Variants in PILRA observed in about 807,000 individuals in gnomAD.
The protein encoded by PILRA is paired immunoglobin like type 2 receptor alpha.
PILRA carries 37 observed loss-of-function variants against 33.1 expected under a neutral mutation model. The observed-to-expected ratio is 1.12, with a 90% CI of 0.86 to 1.47. The LOEUF (loss-of-function observed/expected upper bound fraction) is 1.47, where lower values mean the gene tolerates loss of function less well. Ranked by LOEUF, PILRA falls within the 40% of genes most tolerant of loss-of-function variation. The probability of loss-of-function intolerance (pLI) is 0.00; values close to 1 mark genes in which losing one functional copy is unlikely to be tolerated. For missense variants in PILRA, 312 were observed against 376.2 expected (o/e 0.83, Z 1.41); for synonymous variants, 146 against 149.9 (o/e 0.97, Z 0.19).
At position 100,377,616 on chromosome 7, in the gene PILRA, C is replaced by T. The variant is rs563750009; in HGVS notation, c.454+3183C>T. The stretch of plus-strand genomic sequence containing the variant: ...AAAATATTGGCCAGACACAGTGGCT[C>T]ATGCCTGCAGTCCTGGCTACTCAGG... On this transcript the variant is annotated intron_variant, in intron 2 of 6. Transcript: ENST00000198536. Among the ~76,000 whole-genome samples the T allele has an allele frequency of 9.2e-5, 14 of 152,244 alleles. No homozygotes were observed. The South Asian group carries it at 2.3e-3, about 25-fold the overall frequency.
chr7:100,389,936 G>C lies in PILRA; in HGVS notation c.503G>C (p.Arg168Thr). 4.3e-6 allele frequency: 7 copies of C among 1,613,982 alleles called. No individual in the cohort carries two copies. Among genetic ancestry groups the C allele is most frequent in the Non-Finnish European group, 5.1e-6 (6 of 1,179,992 alleles). The change falls in exon 3 of 7, where the codon AGG (arginine) becomes ACG (threonine). Residue 168 changes from arginine to threonine, a missense_variant. Coordinates refer to ENST00000198536, the MANE Select transcript of PILRA (RefSeq NM_013439.3). ...CCCAGCAGCATGACTACCACCTGGAGGCTCAGTAGCACAACCACCACAACC... is the reference window on the plus strand; with the variant it reads ...CCCAGCAGCATGACTACCACCTGGACGCTCAGTAGCACAACCACCACAACC... ...QRPSSMTTTW[R>T]LSSTTTTTGL...
chr7:100,377,026 A>T (rs1311584879), intron 2 of PILRA, among the ~76,000 whole-genome samples: 1 of 151,892 alleles, frequency 6.6e-6, no homozygotes, highest in Non-Finnish European at 1.5e-5. Context: ...GGCCTCCCAA[A>T]GTGCTAGGAT....
chr7:100,386,003 C>G (rs1791244978), intron 2 of PILRA, among the ~76,000 whole-genome samples: 1 of 151,676 alleles, frequency 6.6e-6, no homozygotes, highest in South Asian at 2.1e-4. Context: ...GATCTCAGCT[C>G]ACTGCAATCT....
chr7:100,396,978 TG>T (rs933814210), intron 3 of PILRA, among the ~76,000 whole-genome samples: 13 of 151,844 alleles, frequency 8.6e-5, no homozygotes, highest in African/African-American at 2.4e-5. Flanking sequence ...GTGTTTTGTT[TG>T]TTTTTTTGTT....
At chr7:100,388,047 GC>G (rs1791291947) in intron 2 of PILRA, among the ~76,000 whole-genome samples, 1 of 152,056 alleles carries the variant, frequency 6.6e-6, no homozygotes, top group Non-Finnish European at 1.5e-5. Flanking sequence ...AATGAATTTA[GC>G]TTAGAGTGTT....
At chr7:100,377,231 C>CTTTT (rs761225046) in intron 2 of PILRA, among the ~76,000 whole-genome samples, 5 of 100,940 alleles carry the variant, frequency 5.0e-5, no homozygotes, top group Non-Finnish European at 7.9e-5. Flanking sequence ...TTTTCTATTT[C>CTTTT]TTTTTTTTTT....
rs562769951 is a variant in PILRA, at chr7:100,397,323, G to A, written c.674-556G>A. Reference sequence around the variant, plus strand: ...GCAAGGATGCCACGGGGATGGGAGGGGCAGGACACAATGGGAGAGGCAGCA... The same window carrying A: ...GCAAGGATGCCACGGGGATGGGAGGAGCAGGACACAATGGGAGAGGCAGCA... On this transcript the variant is annotated intron_variant, in intron 3 of 6. Transcript: ENST00000198536. Among the ~76,000 whole-genome samples the A allele has an allele frequency of 7.9e-5, 12 of 152,082 alleles. No homozygotes were observed. In the East Asian group the frequency reaches 2.3e-3, roughly 29 times the overall value.
chr7:100,393,108 C>T (rs139210534), intron 3 of PILRA, among the ~76,000 whole-genome samples: 1 of 152,076 alleles, frequency 6.6e-6, no homozygotes, highest in South Asian at 2.1e-4. Context: ...GGTGAAACCC[C>T]GTCTCTACTA....
intron 2 of PILRA, among the ~76,000 whole-genome samples, chr7:100,387,771 C>T (rs1281364518): frequency 1.3e-5 from 2 of 152,166 alleles, no homozygotes; most frequent in African/African-American, 4.8e-5. Flanking sequence ...TATACCCACT[C>T]GTGACTGCAG....
intron 2 of PILRA, 55 bp from the exon 3 acceptor site, chr7:100,389,833 C>G: frequency 6.7e-7 from 1 of 1,496,740 alleles, no homozygotes; most frequent in Non-Finnish European, 9.3e-7. Context: ...ACGCCTTTCA[C>G]CCAGACACCC....
At position 100,393,913 on chromosome 7, in the gene PILRA, C is replaced by G. The variant is rs547130666; in HGVS notation, c.673+3807C>G. On this transcript the variant is annotated intron_variant, in intron 3 of 6. Transcript: ENST00000198536. ...ACAACTTCTTCACGTGTGAGAGCCC[C>G]GGCCCTCTCCACACAGCCGATCCCC... Among the ~76,000 whole-genome samples the G allele has an allele frequency of 2.0e-4, 30 of 152,272 alleles. No homozygotes were observed. In the East Asian group the frequency reaches 5.2e-3, roughly 26 times the overall value.
In PILRA at chr7:100,374,169, G is replaced by T. The variant is rs372342137; in HGVS notation, c.190G>T (p.Ala64Ser). The change falls in exon 2 of 7, where the codon GCT becomes TCT. Residue 64 changes from alanine to serine, a missense_variant. Physicochemically the swap from Ala to Ser is moderately conservative, Grantham distance 99. Transcript: ENST00000198536. ...CTATTACCCCTGGGAGTTAGCCACA[G>T]CTCCCGACGTGAGAATATCCTGGAG... ...SFYYPWELAT[A>S]PDVRISWRRG... The T allele has an allele frequency of 2.5e-6, 4 of 1,614,002 alleles. No individual in the cohort carries two copies. The highest frequency in any genetic ancestry group is 1.3e-5 in the African/African-American group (1 of 74,860).
At chr7:100,377,757 T>A (rs1240290287) in intron 2 of PILRA, among the ~76,000 whole-genome samples, 3 of 151,632 alleles carry the variant, frequency 2.0e-5, no homozygotes, top group African/African-American at 7.3e-5. Flanking sequence ...TAAAAAAAAA[T>A]TTGTATGTAG....
intron 2 of PILRA, among the ~76,000 whole-genome samples, chr7:100,378,688 CA>C (rs1791008095): frequency 6.7e-6 from 1 of 148,856 alleles, no homozygotes; most frequent in African/African-American, 2.5e-5. Context: ...GTGACAGAGC[CA>C]GATCCTGTCT....
chr7:100,392,357 G>C (rs906074097), intron 3 of PILRA, among the ~76,000 whole-genome samples: 1 of 152,180 alleles, frequency 6.6e-6, no homozygotes. Flanking sequence ...GGTTGGGGCT[G>C]CCTGCAGTCA....
intron 2 of PILRA, chr7:100,376,546 G>C (rs1214042797): frequency 7.6e-6 from 1 of 131,296 alleles, no homozygotes; most frequent in African/African-American, 2.9e-5. Context: ...GCAATGGCAT[G>C]ATCTTGGCTC....
Position 100,374,081 on chromosome 7 carries a change from G to C in PILRA, c.102G>C (p.Gly34=). ...STGSGPSYLY[G]VTQPKHLSAS... is the part of the protein sequence containing the mutation. ...GATCTGGTCCAAGCTACCTTTATGG[G>C]GTCACTCAACCAAAACACCTCTCAG... Residue 34 remains glycine, a synonymous_variant, in exon 2 of 7, where the codon GGG becomes GGC. Transcript: ENST00000198536. The C allele has an allele frequency of 3.1e-6, 5 of 1,614,036 alleles. No homozygotes were observed. Among genetic ancestry groups the C allele is most frequent in the Non-Finnish European group, 3.4e-6 (4 of 1,179,994 alleles).
chr7:100,400,022 C>A lies in PILRA; in HGVS notation c.*115C>A. On this transcript the variant is annotated 3_prime_UTR_variant, in exon 7 of 7. Transcript: ENST00000198536. ...ATCAAGTGAGCCCAGGAGTTCAGGG[C>A]CAGCTTTGATAATGGAGCGAGATGC... The A allele has an allele frequency of 1.9e-6, 2 of 1,068,158 alleles. No individual in the cohort carries two copies. Among genetic ancestry groups the A allele is most frequent in the South Asian group, 2.7e-5 (1 of 36,646 alleles). The allele number at this position is 1,068,158 out of a possible 1,614,324, so 66.2% of individuals were successfully genotyped here. A position where few individuals can be genotyped will look rare whatever the true frequency, so the allele number is the denominator to read the frequency against.
intron 3 of PILRA, among the ~76,000 whole-genome samples, chr7:100,393,935 C>A (rs1404472352): frequency 6.6e-6 from 1 of 152,198 alleles, no homozygotes; most frequent in African/African-American, 2.4e-5. Context: ...CACAGCCGAT[C>A]CCCGCCCCTC....
Sources: allele counts gnomAD v4.1 joint callset (sites outside exome capture counted in the v4.1 genomes callset), GRCh38; gene constraint gnomAD v4.1.1; transcripts MANE v1.5; gene names NCBI Gene and HGNC (gene_info 2026-07-23, HGNC 2026-07-21).